Variants in ARHGAP29 observed in about 807,000 individuals in gnomAD.
ARHGAP29 encodes the protein Rho GTPase activating protein 29.
A neutral mutation model predicts 122.6 loss-of-function variants in ARHGAP29; 43 were observed. That is an observed-to-expected ratio of 0.35 (90% CI 0.27 to 0.45). The LOEUF (loss-of-function observed/expected upper bound fraction) is 0.45, where lower values mean the gene tolerates loss of function less well. ARHGAP29 is among the 20% of genes least tolerant of loss of function. The probability of loss-of-function intolerance (pLI) is 1.00; values close to 1 mark genes in which losing one functional copy is unlikely to be tolerated. For synonymous variants in ARHGAP29, 506 were observed against 497.1 expected, an observed-to-expected ratio of 1.02 and a Z score of -0.24; for missense variants, 1,303 against 1,477.2, an observed-to-expected ratio of 0.88 and a Z score of 1.93.
chr1:94,224,690 T>C (rs1353128924), intron 2 of ARHGAP29, among the ~76,000 whole-genome samples: 1 of 152,168 alleles, frequency 6.6e-6, no homozygotes, highest in Non-Finnish European at 1.5e-5. Context: ...GCTATAGTTT[T>C]TCTTAAGAAT....
rs1040849609 is a variant in ARHGAP29, at chr1:94,170,792, T to C, written c.*3077A>G. 6.6e-6 allele frequency among the ~76,000 whole-genome samples: 1 copy of C among 152,240 alleles called. No individual in the cohort carries two copies. Among genetic ancestry groups the C allele is most frequent in the African/African-American group, 2.4e-5 (1 of 41,464 alleles). On this transcript the variant is annotated 3_prime_UTR_variant, in exon 23 of 23. Coordinates refer to ENST00000260526, the MANE Select transcript of ARHGAP29 (RefSeq NM_004815.4). ...AGATCTCCTTAAATGCTTCCTGACATGGTCTAACATTTTCTCCATCAAGAT... is the reference window on the plus strand; with the variant it reads ...AGATCTCCTTAAATGCTTCCTGACACGGTCTAACATTTTCTCCATCAAGAT...
At position 94,173,814 on chromosome 1, in the gene ARHGAP29, C is replaced by T; in HGVS notation, c.*55G>A. 6.5e-7 allele frequency: 1 copy of T among 1,532,820 alleles called. No individual in the cohort carries two copies. The highest frequency in any genetic ancestry group is 8.8e-7 in the Non-Finnish European group (1 of 1,141,410). The allele number at this position is 1,532,820 out of a possible 1,614,324, so 95.0% of individuals were successfully genotyped here. A position where few individuals can be genotyped will look rare whatever the true frequency, so the allele number is the denominator to read the frequency against. On this transcript the variant is annotated 3_prime_UTR_variant, in exon 23 of 23. Coordinates refer to ENST00000260526, the MANE Select transcript of ARHGAP29 (RefSeq NM_004815.4). ...TCAAAACATTCTTTCACAAAACAAG[C>T]ACAATACCACAAAATAACACAACAA...
chr1:94,202,390 G>A lies in ARHGAP29; in HGVS notation c.1143+154C>T, dbSNP rs550467257. On this transcript the variant is annotated intron_variant, in intron 11 of 22. Transcript: ENST00000260526. ...ACGACCTGAGAGCCTATTAAAAAAT[G>A]TTGACCTACTGAATGAGAAACTCTG... The A allele has an allele frequency of 2.4e-4, 201 of 832,576 alleles. No individual in the cohort carries two copies. The Admixed American group carries it at 4.8e-3, about 20-fold the overall frequency. 51.6% of individuals were successfully genotyped at this position (832,576 alleles called of 1,614,324 possible). A position where few individuals can be genotyped will look rare whatever the true frequency, so the allele number is the denominator to read the frequency against.
At chr1:94,237,185 C>T (rs1261748122) in intron 1 of ARHGAP29, among the ~76,000 whole-genome samples, 2 of 152,214 alleles carry the variant, frequency 1.3e-5, no homozygotes, top group Non-Finnish European at 2.9e-5. Flanking sequence ...CCCAGCTCGT[C>T]CGCGCCTCCC....
At chr1:94,296,016 G>A in the ARHGAP29 span, among the ~76,000 whole-genome samples, 2 of 152,132 alleles carry the variant, frequency 1.3e-5, no homozygotes, top group African/African-American at 4.8e-5. Flanking sequence ...ACTTTTCTGG[G>A]AAGAAGGCAG....
chr1:94,237,254 G>A (rs965271578), intron 1 of ARHGAP29, among the ~76,000 whole-genome samples, 161 bp downstream of exon 1: 1 of 152,084 alleles, frequency 6.6e-6, no homozygotes, highest in African/African-American at 2.4e-5. Flanking sequence ...GTCCTGGCTC[G>A]AGGACACCCG....
chr1:94,259,788 C>T (rs1557892664), intron 1 of ARHGAP29, among the ~76,000 whole-genome samples: 1 of 152,054 alleles, frequency 6.6e-6, no homozygotes. Context: ...GTTAAAGCAG[C>T]CACAGGAAAC....
At chr1:94,231,761 G>T in intron 1 of ARHGAP29, 118 bp from the exon 2 acceptor site, 1 of 690,554 alleles carries the variant, frequency 1.4e-6, no homozygotes, top group Non-Finnish European at 2.4e-6. Context: ...GCTCACCTTG[G>T]TATCCTATTT....
chr1:94,276,404 G>A (rs548743462), upstream of ARHGAP29, among the ~76,000 whole-genome samples: 8 of 151,998 alleles, frequency 5.3e-5, no homozygotes, highest in Admixed American at 3.9e-4. Context: ...AGGATATTAA[G>A]CTATCATTGT....
chr1:94,236,908 C>A (rs1653310845), intron 1 of ARHGAP29, among the ~76,000 whole-genome samples: 4 of 152,214 alleles, frequency 2.6e-5, no homozygotes, highest in African/African-American at 9.6e-5. Context: ...AGAACACAGA[C>A]CCATAGTGAT....
intron 1 of ARHGAP29, among the ~76,000 whole-genome samples, chr1:94,259,409 T>TG: frequency 6.6e-6 from 1 of 152,202 alleles, no homozygotes; most frequent in East Asian, 1.9e-4. Flanking sequence ...AATGTCCCCA[T>TG]AAAATGCATG....
intron 1 of ARHGAP29, among the ~76,000 whole-genome samples, chr1:94,246,503 T>TC (rs1393293112): frequency 3.3e-5 from 5 of 151,418 alleles, no homozygotes; most frequent in Non-Finnish European, 4.4e-5. Flanking sequence ...ACATTCCCCT[T>TC]CCCCCCGCCA....
chr1:94,258,417 A>G (rs925777697), intron 1 of ARHGAP29, among the ~76,000 whole-genome samples: 4 of 152,238 alleles, frequency 2.6e-5, no homozygotes, highest in Non-Finnish European at 5.9e-5. Context: ...TCCAGGCCAA[A>G]TAAAAATCAT....
the ARHGAP29 span, among the ~76,000 whole-genome samples, chr1:94,309,607 T>G: frequency 6.6e-6 from 1 of 150,918 alleles, no homozygotes; most frequent in Non-Finnish European, 1.5e-5. Flanking sequence ...GGAAAGGGGG[T>G]TTTGAAGGTG....
Position 94,192,975 on chromosome 1 carries a change from C to T in ARHGAP29, c.1282-2892G>A, listed in dbSNP as rs941254105. 8 of 152,136 alleles carry T rather than the reference C, an allele frequency of 5.3e-5. 1 individual carries two copies. The highest frequency in any genetic ancestry group is 1.9e-4 in the African/African-American group (8 of 41,494). 9.4% of individuals were successfully genotyped at this position (152,136 alleles called of 1,614,324 possible). ...ACAAAAGACAATAAAAAGACACCAA[C>T]CCTGATACAGCTCAGATTTGGGACG... On this transcript the variant is annotated intron_variant, in intron 12 of 22. Coordinates refer to ENST00000260526, the MANE Select transcript of ARHGAP29 (RefSeq NM_004815.4).
chr1:94,213,887 C>G (rs996647249), intron 3 of ARHGAP29, among the ~76,000 whole-genome samples: 1 of 152,168 alleles, frequency 6.6e-6, no homozygotes, highest in African/African-American at 2.4e-5. Flanking sequence ...TAACACAAAA[C>G]ACTGTCAACA....
chr1:94,293,251 C>T, the ARHGAP29 span, among the ~76,000 whole-genome samples: 276 of 152,316 alleles, frequency 1.8e-3, no homozygotes, highest in Non-Finnish European at 3.1e-3. Context: ...GCGCTGGCAG[C>T]GAGCAAGGCT....
At chr1:94,310,127 A>G in the ARHGAP29 span, among the ~76,000 whole-genome samples, 2 of 152,230 alleles carry the variant, frequency 1.3e-5, no homozygotes, top group African/African-American at 4.8e-5. Flanking sequence ...GCTATTTAAT[A>G]TCGGTACACA....
intron 3 of ARHGAP29, among the ~76,000 whole-genome samples, chr1:94,212,309 T>C (rs1236345675): frequency 6.6e-6 from 1 of 151,888 alleles, no homozygotes; most frequent in African/African-American, 2.4e-5. Flanking sequence ...AAACAACATA[T>C]CAAGATTTGT....
Sources: allele counts gnomAD v4.1 joint callset (sites outside exome capture counted in the v4.1 genomes callset), GRCh38; gene constraint gnomAD v4.1.1; transcripts MANE v1.5; gene names NCBI Gene and HGNC (gene_info 2026-07-23, HGNC 2026-07-21).